MEF2C: variants seen among roughly 807,000 people sequenced by gnomAD.
The protein encoded by MEF2C is myocyte-specific enhancer factor 2C.
MEF2C carries 6 observed loss-of-function variants against 50.5 expected under a neutral mutation model. The observed-to-expected ratio is 0.12, with a 90% CI of 0.07 to 0.23. The LOEUF (loss-of-function observed/expected upper bound fraction) is 0.23, where lower values mean the gene tolerates loss of function less well. Among genes scored for constraint, MEF2C ranks in the 10% least tolerant of loss-of-function variants. The probability of loss-of-function intolerance (pLI) is 1.00; values close to 1 mark genes in which losing one functional copy is unlikely to be tolerated. For missense variants in MEF2C, 276 were observed against 605.0 expected (o/e 0.46, Z 5.70); for synonymous variants, 183 against 228.0 (o/e 0.80, Z 1.78).
chr5:88,897,141 CATAGA>C (rs1222323855), intron 1 of MEF2C, among the ~76,000 whole-genome samples: 6 of 152,084 alleles, frequency 3.9e-5, no homozygotes, highest in Non-Finnish European at 1.5e-5. Context: ...ATAATATGGT[CATAGA>C]ATAACTTCTA....
intron 2 of MEF2C, among the ~76,000 whole-genome samples, chr5:88,808,671 T>C (rs968278326): frequency 6.6e-5 from 10 of 152,176 alleles, no homozygotes; most frequent in Non-Finnish European, 1.3e-4. Flanking sequence ...ATGTTCATAT[T>C]CTTCATAGCA....
intron 3 of MEF2C, among the ~76,000 whole-genome samples, chr5:88,801,213 A>C (rs190398225): frequency 6.6e-5 from 10 of 152,166 alleles, no homozygotes; most frequent in Non-Finnish European, 1.3e-4. Flanking sequence ...GAAGAGGGGT[A>C]ATGGTCCAAA....
intron 3 of MEF2C, among the ~76,000 whole-genome samples, chr5:88,793,201 T>C (rs1794568843): frequency 6.6e-6 from 1 of 152,178 alleles, no homozygotes; most frequent in Non-Finnish European, 1.5e-5. Flanking sequence ...CAAAGTGTAA[T>C]TGGGACCTGA....
chr5:88,795,938 A>ACATTTTTTGATTGGTGCATGTTGATCC (rs1562082332), intron 3 of MEF2C, among the ~76,000 whole-genome samples: 1 of 152,182 alleles, frequency 6.6e-6, no homozygotes, highest in Admixed American at 6.5e-5. Context: ...GTGATGGATT[A>ACATTTTTTGATTGGTGCATGTTGATCC]CATTTTTTGA....
At chr5:88,802,303 A>G (rs244757) in intron 3 of MEF2C, among the ~76,000 whole-genome samples, 63,199 of 152,202 alleles carry the variant, frequency 0.42, 14,810 homozygotes, top group African/African-American at 0.62. Flanking sequence ...CACACTGCAC[A>G]AAAGTGCAAG....
At chr5:88,885,784 TACA>T, upstream of MEF2C, among the ~76,000 whole-genome samples, 1 of 152,338 alleles carries the variant, frequency 6.6e-6, no homozygotes, top group East Asian at 1.9e-4. Context: ...TGCAGTGAGT[TACA>T]ACAGTCTATT....
intron 1 of MEF2C, among the ~76,000 whole-genome samples, chr5:88,844,969 C>A (rs1430776807): frequency 6.6e-6 from 1 of 152,124 alleles, no homozygotes; most frequent in African/African-American, 2.4e-5. Flanking sequence ...AATGTCTATG[C>A]CTTTCTTATC....
intron 2 of MEF2C, among the ~76,000 whole-genome samples, chr5:88,816,333 A>G (rs1024743602): frequency 7.2e-5 from 11 of 152,002 alleles, no homozygotes; most frequent in Non-Finnish European, 8.8e-5. Flanking sequence ...TGTGTGGCAC[A>G]CTGTTGCTGT....
chr5:88,800,511 G>GCTGTA (rs1195922233), intron 3 of MEF2C, among the ~76,000 whole-genome samples: 1 of 152,188 alleles, frequency 6.6e-6, no homozygotes, highest in African/African-American at 2.4e-5. Flanking sequence ...GAAGCAATGG[G>GCTGTA]CTGTAAGCAT....
At chr5:88,733,030 G>A (rs1762337663) in intron 6 of MEF2C, 1 of 966,028 alleles carries the variant, frequency 1.0e-6, no homozygotes, top group Non-Finnish European at 1.2e-6. Context: ...TCTCTTTGTG[G>A]TAATCCAATA....
intron 2 of MEF2C, among the ~76,000 whole-genome samples, chr5:88,810,958 A>C (rs1019670851): frequency 1.3e-5 from 2 of 152,140 alleles, no homozygotes; most frequent in Non-Finnish European, 2.9e-5. Flanking sequence ...CCACATTCAT[A>C]TTTTTAAAAA....
At chr5:88,836,664 G>A (rs190467922) in intron 1 of MEF2C, among the ~76,000 whole-genome samples, 13 of 152,264 alleles carry the variant, frequency 8.5e-5, no homozygotes, top group Admixed American at 3.9e-4. Flanking sequence ...TTTCTAGGCC[G>A]AAGGCCTAGC....
At chr5:88,839,280 C>A (rs1289531912) in intron 1 of MEF2C, 1 of 151,896 alleles carries the variant, frequency 6.6e-6, no homozygotes, top group Admixed American at 6.6e-5. Context: ...GAGAACAGGT[C>A]AGAACCATTC....
chr5:88,722,529 C>A lies in MEF2C; in HGVS notation c.*75G>T. On this transcript the variant is annotated 3_prime_UTR_variant, in exon 11 of 11. Transcript: ENST00000504921. ...ACACGGCACATATAATGCATATCGA[C>A]CCCCCTTCCCCATTAAGGTATAGCA... 7.5e-7 allele frequency: 1 copy of A among 1,325,422 alleles called. No individual in the cohort carries two copies. The allele number at this position is 1,325,422 out of a possible 1,614,324, so 82.1% of individuals were successfully genotyped here.
intron 1 of MEF2C, among the ~76,000 whole-genome samples, chr5:88,877,136 T>C (rs1192110243): frequency 6.6e-6 from 1 of 152,080 alleles, no homozygotes; most frequent in African/African-American, 2.4e-5. Context: ...TTATAATGTC[T>C]GCATTATTTA....
chr5:88,788,662 C>T (rs1209366170), intron 3 of MEF2C, among the ~76,000 whole-genome samples: 1 of 152,150 alleles, frequency 6.6e-6, no homozygotes. Flanking sequence ...AAAAGCTGAA[C>T]TTTTAATTTT....
rs751045006 is a variant in MEF2C at position 88,718,468 on chromosome 5, C to T, written c.*4136G>A. On this transcript the variant is annotated 3_prime_UTR_variant, in exon 11 of 11. Coordinates refer to ENST00000504921, the MANE Select transcript of MEF2C (RefSeq NM_002397.5). ...TGAGCCTCTATTTGAATATTTGTTG[C>T]AAATGCTTGTATGCCCTCATTTACA... 5.3e-5 allele frequency: 8 copies of T among 152,150 alleles called. No homozygotes were observed. The highest frequency in any genetic ancestry group is 1.2e-4 in the Non-Finnish European group (8 of 68,026). The allele number at this position is 152,150 out of a possible 1,614,324, so 9.4% of individuals were successfully genotyped here.
chr5:88,723,019 T>A (rs888907840), intron 10 of MEF2C, 94 bp from the exon 11 acceptor site: 13 of 1,109,334 alleles, frequency 1.2e-5, no homozygotes, highest in Admixed American at 1.1e-4. Context: ...AAGACTCGCA[T>A]AGACACCAGA....
intron 2 of MEF2C, chr5:88,819,489 C>T: frequency 1.7e-6 from 1 of 577,222 alleles, no homozygotes; most frequent in African/African-American, 2.0e-5. Context: ...TCCTTCAGCT[C>T]CTCAGTCAAG....
Sources: gnomAD v4.1 joint callset for allele counts (sites outside exome capture counted in the v4.1 genomes callset) on GRCh38, gnomAD v4.1.1 for gene constraint, MANE v1.5 for transcripts, NCBI Gene and HGNC (gene_info 2026-07-23, HGNC 2026-07-21) for gene names.